The following SYT6 variants were observed in gnomAD, a reference collection of about 807,000 sequenced individuals.
The protein encoded by SYT6 is synaptotagmin-6.
A neutral mutation model predicts 38.4 loss-of-function variants in SYT6; 24 were observed. The observed-to-expected ratio is 0.62, with a 90% CI of 0.45 to 0.88. The LOEUF is 0.88. Among genes scored for constraint, SYT6 ranks in the 40% least tolerant of loss-of-function variants. SYT6 has a pLI of 0.00. For missense variants in SYT6, 611 were observed against 621.0 expected, an observed-to-expected ratio of 0.98 and a Z score of 0.17; for synonymous variants, 265 against 241.9, an observed-to-expected ratio of 1.10 and a Z score of -0.89.
chr1:114,103,560 T>C (rs774025614), intron 4 of SYT6, 41 bp downstream of exon 4: 4 of 1,612,038 alleles, frequency 2.5e-6, no homozygotes, highest in African/African-American at 1.3e-5. Context: ...CAAATCCTAA[T>C]GTCTGGGCTG....
chr1:114,128,882 C>T (rs1305724134), intron 3 of SYT6, among the ~76,000 whole-genome samples: 1 of 152,190 alleles, frequency 6.6e-6, no homozygotes, highest in East Asian at 1.9e-4. Flanking sequence ...ACTTATTCCA[C>T]TGGGATCTCA....
intron 6 of SYT6, among the ~76,000 whole-genome samples, chr1:114,095,735 A>G (rs1194322540): frequency 6.6e-6 from 1 of 150,952 alleles, no homozygotes; most frequent in Non-Finnish European, 1.5e-5. Context: ...ATCTCAGCTC[A>G]CTGCAAGCTC....
intron 3 of SYT6, among the ~76,000 whole-genome samples, chr1:114,106,074 A>T (rs77227025): frequency 0.024 from 3,727 of 152,322 alleles, 65 homozygotes; most frequent in South Asian, 0.039. Flanking sequence ...GACACATAGC[A>T]AGTGCCCTGT....
At chr1:114,098,341 G>A (rs1239478412) in intron 5 of SYT6, among the ~76,000 whole-genome samples, 1 of 152,224 alleles carries the variant, frequency 6.6e-6, no homozygotes, top group African/African-American at 2.4e-5. Context: ...TACTATGCCT[G>A]AGAACTTGGG....
chr1:114,133,219 T>C (rs973955004), intron 3 of SYT6, among the ~76,000 whole-genome samples: 8 of 151,930 alleles, frequency 5.3e-5, no homozygotes, highest in Admixed American at 2.0e-4. Flanking sequence ...TCTAAACTAG[T>C]AGGGACCTGG....
intron 3 of SYT6, among the ~76,000 whole-genome samples, chr1:114,128,150 C>T (rs1325789219): frequency 6.6e-6 from 1 of 152,192 alleles, no homozygotes; most frequent in Non-Finnish European, 1.5e-5. Flanking sequence ...CCACCCAGGC[C>T]CCCAGACTCA....
chr1:114,108,066 C>T (rs2101002564), intron 3 of SYT6, among the ~76,000 whole-genome samples: 2 of 152,170 alleles, frequency 1.3e-5, no homozygotes, highest in South Asian at 4.2e-4. Context: ...AGCTCAGTAG[C>T]AGCTGGCTGA....
At chr1:114,092,314 C>T (rs1307883121) in intron 7 of SYT6, among the ~76,000 whole-genome samples, 1 of 68,860 alleles carries the variant, frequency 1.5e-5, no homozygotes, top group Non-Finnish European at 3.4e-5. Context: ...TTTCTTAACT[C>T]TCTCTCTCTC....
At chr1:114,095,960 G>T (rs555136345) in intron 6 of SYT6, among the ~76,000 whole-genome samples, 32 of 152,230 alleles carry the variant, frequency 2.1e-4, no homozygotes, top group African/African-American at 7.2e-4. Flanking sequence ...ATGCCTGGCT[G>T]GGCAGTGAGT....
chr1:114,100,513 G>T (rs1234076934), intron 4 of SYT6, among the ~76,000 whole-genome samples: 4 of 152,216 alleles, frequency 2.6e-5, no homozygotes. Flanking sequence ...AGCCTGAAAG[G>T]CATTTTTGTA....
At chr1:114,095,892 C>T (rs1019991287) in intron 6 of SYT6, among the ~76,000 whole-genome samples, 2 of 152,068 alleles carry the variant, frequency 1.3e-5, no homozygotes, top group African/African-American at 4.8e-5. Context: ...AATCTCCTGA[C>T]CTCATGATCC....
chr1:114,096,529 C>G lies in SYT6; in HGVS notation c.1515+1198G>C, dbSNP rs966663764. ...CCCCAACAACTGAGGTCCTTATCAC[C>G]TATGTTTCCATGGGTCCAATCCCCT... On this transcript the variant is annotated intron_variant, in intron 6 of 7. Transcript: ENST00000610222. 5.9e-5 allele frequency among the ~76,000 whole-genome samples: 9 copies of G among 152,182 alleles called. No individual in the cohort carries two copies. The East Asian group carries it at 1.7e-3, about 29-fold the overall frequency.
chr1:114,109,314 T>G (rs2101006017), intron 3 of SYT6, among the ~76,000 whole-genome samples: 1 of 152,372 alleles, frequency 6.6e-6, no homozygotes, highest in Middle Eastern at 3.4e-3. Context: ...TTATTCATCC[T>G]TATACCTCTC....
intron 3 of SYT6, among the ~76,000 whole-genome samples, chr1:114,111,745 T>TTAGTTAATTCATGTAAATGTTCAGAATG (rs1676694130): frequency 1.3e-5 from 2 of 151,494 alleles, no homozygotes; most frequent in Non-Finnish European, 2.9e-5. Flanking sequence ...CCCGGCAGGA[T>TTAGTTAATTCATGTAAATGTTCAGAATG]GTGCTAAACT....
intron 3 of SYT6, among the ~76,000 whole-genome samples, chr1:114,129,202 G>A (rs1036190399): frequency 2.6e-5 from 4 of 152,206 alleles, no homozygotes; most frequent in African/African-American, 9.7e-5. Flanking sequence ...ACTGCTGGCT[G>A]TGCTTTCAAA....
chr1:114,146,230 G>A (rs1679149651), intron 1 of SYT6, among the ~76,000 whole-genome samples: 1 of 152,210 alleles, frequency 6.6e-6, no homozygotes, highest in African/African-American at 2.4e-5. Flanking sequence ...GAAGCAGGCA[G>A]CAGGGAGGAG....
In SYT6 at chr1:114,137,707, G is replaced by C; in HGVS notation, c.859C>G (p.Arg287Gly). ...RKCKLQTRVHRKTLNPTFDEN... is the reference protein window; with the variant it reads ...RKCKLQTRVHGKTLNPTFDEN... ...TCAAAGGTGGGGTTCAGGGTCTTGC[G>C]GTGCACCCGGGTCTGCAGCTTGCAT... Residue 287 changes from arginine (R) to glycine (G), a missense_variant, in exon 3 of 8, where the codon CGC becomes GGC. Arg to Gly is a moderately radical substitution (Grantham distance 125). Transcript: ENST00000610222. 3 of 1,613,864 alleles carry C rather than the reference G, an allele frequency of 1.9e-6. No homozygotes were observed. The highest frequency in any genetic ancestry group is 1.1e-5 in the South Asian group (1 of 91,056).
intron 3 of SYT6, among the ~76,000 whole-genome samples, chr1:114,113,596 C>T (rs528293212): frequency 2.8e-4 from 42 of 152,330 alleles, no homozygotes; most frequent in African/African-American, 9.6e-4. Context: ...AATGAGACAT[C>T]TTTGTGGACA....
intron 4 of SYT6, among the ~76,000 whole-genome samples, chr1:114,102,741 A>G (rs1676043797): frequency 6.6e-6 from 1 of 152,132 alleles, no homozygotes; most frequent in East Asian, 1.9e-4. Flanking sequence ...AGGGAAACAA[A>G]CTGAGCTTTT....
Sources: gnomAD v4.1 joint callset for allele counts (sites outside exome capture counted in the v4.1 genomes callset) on GRCh38, gnomAD v4.1.1 for gene constraint, MANE v1.5 for transcripts, NCBI Gene and HGNC (gene_info 2026-07-23, HGNC 2026-07-21) for gene names.